The following ATG9A variants were observed in gnomAD, a reference collection of about 807,000 sequenced individuals.
ATG9A encodes autophagy-related protein 9A.
A neutral mutation model predicts 87.1 loss-of-function variants in ATG9A; 21 were observed. The observed-to-expected ratio is 0.24, with a 90% CI of 0.17 to 0.35. ATG9A has a LOEUF of 0.35. Ranked by LOEUF, ATG9A falls within the 10% of genes least tolerant of loss-of-function variation. The probability of loss-of-function intolerance (pLI) is 1.00; values close to 1 mark genes in which losing one functional copy is unlikely to be tolerated. For synonymous variants in ATG9A, 422 were observed against 441.3 expected (o/e 0.96, Z 0.55); for missense variants, 836 against 1,107.3 (o/e 0.76, Z 3.48).
chr2:219,226,719 G>A (rs1199737681), intron 5 of ATG9A, 150 bp downstream of exon 5: 5 of 687,280 alleles, frequency 7.3e-6, no homozygotes, highest in African/African-American at 1.8e-5. Context: ...GTAAGTTTTG[G>A]TGCCACACCC....
In ATG9A at chr2:219,222,455, GAACGA is replaced by G; in HGVS notation, c.1849-10_1849-6del. On this transcript the variant is annotated splice_region_variant and splice_polypyrimidine_tract_variant and intron_variant, in intron 11 of 15. Transcript: ENST00000361242. This position sits in a 1 kb window ranked among gnomAD's most constrained non-coding sequence, Gnocchi z 4.3. ...ATTTGCGATAAGGCTCAGGGGCTATGAACGAAACGGGTAGGTAGAATTCTTGAGGC... is the reference window on the plus strand; with the variant it reads ...ATTTGCGATAAGGCTCAGGGGCTATGAACGGGTAGGTAGAATTCTTGAGGC... The G allele has an allele frequency of 6.4e-7, 1 of 1,552,630 alleles. No homozygotes were observed. Among genetic ancestry groups the G allele is most frequent in the Non-Finnish European group, 8.7e-7 (1 of 1,151,102 alleles).
At position 219,222,680 on chromosome 2, in the gene ATG9A, A is replaced by C; in HGVS notation, c.1813T>G (p.Phe605Val). 6.2e-7 allele frequency: 1 copy of C among 1,614,182 alleles called. No individual in the cohort carries two copies. Among genetic ancestry groups the C allele is most frequent in the Non-Finnish European group, 8.5e-7 (1 of 1,180,016 alleles). ...GATTGTAAGGACTGGATAGACGTAA[A>C]GAGGGCATTTTCAGGGAGCAGACCC... Reference protein sequence around the residue: ...QGGLLPENALFTSIQSLQSES... With the variant: ...QGGLLPENALVTSIQSLQSES... Residue 605 changes from phenylalanine to valine, a missense_variant, in exon 11 of 16, where the codon TTT (phenylalanine) becomes GTT (valine). Coordinates refer to ENST00000361242, the MANE Select transcript of ATG9A (RefSeq NM_001077198.3). This position sits in a 1 kb window ranked among gnomAD's most constrained non-coding sequence, Gnocchi z 4.3.
At position 219,221,264 on chromosome 2, in the gene ATG9A, A is replaced by T; in HGVS notation, c.2184T>A (p.His728Gln). 6 of 1,572,668 alleles carry T rather than the reference A, an allele frequency of 3.8e-6. No homozygotes were observed. Among genetic ancestry groups the T allele is most frequent in the Non-Finnish European group, 5.2e-6 (6 of 1,160,200 alleles). The part of the protein sequence containing the change: ...KQQAQAEPER[H>Q]VWHRRESDES... ...CATCACTCTCCCGGCGGTGCCATAC[A>T]TGCCGCTCAGGTTCAGCCTGGGCCT... The change falls in exon 14 of 16, where the codon CAT becomes CAA. Residue 728 changes from histidine (H) to glutamine (Q), a missense_variant. His to Gln is a conservative substitution (Grantham distance 24). Around this residue, in one of 2 missense-constraint regions of ATG9A, gnomAD observed 324 missense variants for 347.6 expected, o/e 0.93. Transcript: ENST00000361242.
chr2:219,222,624 T>C lies in ATG9A; in HGVS notation c.1848+21A>G. On this transcript the variant is annotated intron_variant, in intron 11 of 15. Coordinates refer to ENST00000361242, the MANE Select transcript of ATG9A (RefSeq NM_001077198.3). This position sits in a 1 kb window ranked among gnomAD's most constrained non-coding sequence, Gnocchi z 4.3. The stretch of plus-strand genomic sequence containing the variant: ...CCTGAAGTCCACTCTGCCCATCATC[T>C]CCCAGTCACCAGGAACACACCTCAG... The C allele has an allele frequency of 6.2e-7, 1 of 1,611,676 alleles. No individual in the cohort carries two copies. The highest frequency in any genetic ancestry group is 8.5e-7 in the Non-Finnish European group (1 of 1,178,050).
chr2:219,226,387 T>A (rs903709522), intron 5 of ATG9A, among the ~76,000 whole-genome samples: 1 of 152,212 alleles, frequency 6.6e-6, no homozygotes, highest in East Asian at 1.9e-4. Flanking sequence ...GGAAAGCTTT[T>A]CTTGTAAGAA....
At position 219,220,858 on chromosome 2, in the gene ATG9A, G is replaced by T. The variant is rs771060640; in HGVS notation, c.2403C>A (p.Phe801Leu). The change falls in exon 15 of 16, where the codon TTC becomes TTA. Residue 801 changes from phenylalanine (F) to leucine (L), a missense_variant. By Grantham distance (22) the Phe-to-Leu change is conservative. Coordinates refer to ENST00000361242, the MANE Select transcript of ATG9A (RefSeq NM_001077198.3). ...CCCACCCTCCAAGAGGCAGCCGAGA[G>T]AAATGAGAGGGAACCCTGGGCACTG... ...PGTVPRVPSH[F>L]SRLPLGGWAE... 5 of 1,613,440 alleles carry T rather than the reference G, an allele frequency of 3.1e-6. No individual in the cohort carries two copies. The highest frequency in any genetic ancestry group is 3.3e-5 in the Admixed American group (2 of 60,000).
At chr2:219,221,388 C>G in intron 13 of ATG9A, 86 bp from the exon 14 acceptor site, 1 of 1,260,498 alleles carries the variant, frequency 7.9e-7, no homozygotes, top group Non-Finnish European at 1.1e-6. Flanking sequence ...AGTCAGTTCC[C>G]GCTTTACCCC....
chr2:219,220,303 C>G lies in ATG9A; in HGVS notation c.*144G>C. Reference sequence around the variant, plus strand: ...GGCTGTGGCAAGCCCAGTGTTGGCACCTCCCTTGGCCAGGCACAGACACAC... The same window carrying G: ...GGCTGTGGCAAGCCCAGTGTTGGCAGCTCCCTTGGCCAGGCACAGACACAC... On this transcript the variant is annotated 3_prime_UTR_variant, in exon 16 of 16. Coordinates refer to ENST00000361242, the MANE Select transcript of ATG9A (RefSeq NM_001077198.3). The G allele has an allele frequency of 8.8e-7, 1 of 1,139,070 alleles. No homozygotes were observed. Among genetic ancestry groups the G allele is most frequent in the Non-Finnish European group, 1.3e-6 (1 of 799,408 alleles). The allele number at this position is 1,139,070 out of a possible 1,614,324, so 70.6% of individuals were successfully genotyped here.
chr2:219,223,906 G>C lies in ATG9A; in HGVS notation c.1382C>G (p.Thr461Ser). 1 of 1,614,200 alleles carries C rather than the reference G, an allele frequency of 6.2e-7. No homozygotes were observed. ...GAAGAGCTGGGCAAACTCGTCCCGG[G>C]TCTGCGAGCGGTGGGCATTACCCTG... Reference protein sequence around the residue: ...HWQGNAHRSQTRDEFAQLFQY... With the variant: ...HWQGNAHRSQSRDEFAQLFQY... The change falls in exon 9 of 16, where the codon ACC (threonine) becomes AGC (serine). Residue 461 changes from threonine to serine, a missense_variant. By Grantham distance (58) the Thr-to-Ser change is moderately conservative. Around this residue, in one of 2 missense-constraint regions of ATG9A, gnomAD observed 512 missense variants for 759.6 expected, o/e 0.67. Transcript: ENST00000361242. The surrounding 1 kb of genome is among the most constrained non-coding windows in gnomAD (Gnocchi z 4.7).
In ATG9A at chr2:219,224,603, G is replaced by A. The variant is rs1394847719; in HGVS notation, c.768C>T (p.Phe256=). ...GLKYNFELIL[F]WGPGSLFLNE... Reference sequence around the variant, plus strand: ...TGAGAAACAGAGAGCCAGGTCCCCAGAAGAGGATCAGCTCAAAGTTGTACT... The same window carrying A: ...TGAGAAACAGAGAGCCAGGTCCCCAAAAGAGGATCAGCTCAAAGTTGTACT... The change falls in exon 8 of 16, where the codon TTC becomes TTT. Residue 256 remains phenylalanine, a synonymous_variant. Coordinates refer to ENST00000361242, the MANE Select transcript of ATG9A (RefSeq NM_001077198.3). The surrounding 1 kb of genome is among the most constrained non-coding windows in gnomAD (Gnocchi z 7.7). The A allele has an allele frequency of 6.2e-7, 1 of 1,614,110 alleles. No individual in the cohort carries two copies. The highest frequency in any genetic ancestry group is 1.7e-5 in the Admixed American group (1 of 60,000).
In ATG9A at chr2:219,222,337, G is replaced by A. The variant is rs759392505; in HGVS notation, c.1962C>T (p.Ser654=). ...HRAEVASALR[S]FSPLQPGQAP... Reference sequence around the variant, plus strand: ...CCTGCCCGGGTTGCAGCGGGGAGAAGGAGCGCAGGGCAGAGGCGACTTCAG... The same window carrying A: ...CCTGCCCGGGTTGCAGCGGGGAGAAAGAGCGCAGGGCAGAGGCGACTTCAG... The change falls in exon 12 of 16, where the codon TCC becomes TCT. Residue 654 remains serine (S), a synonymous_variant. Coordinates refer to ENST00000361242, the MANE Select transcript of ATG9A (RefSeq NM_001077198.3). The surrounding 1 kb of genome is among the most constrained non-coding windows in gnomAD (Gnocchi z 4.3). The A allele has an allele frequency of 1.5e-5, 25 of 1,613,208 alleles. No homozygotes were observed. The highest frequency in any genetic ancestry group is 2.0e-5 in the Non-Finnish European group (24 of 1,180,016).
rs945959233 is a variant in ATG9A at position 219,229,612 on chromosome 2, G to A, written c.-159C>T. On this transcript the variant is annotated 5_prime_UTR_variant, in exon 1 of 16. Transcript: ENST00000361242. This position sits in a 1 kb window ranked among gnomAD's most constrained non-coding sequence, Gnocchi z 4.2. Reference sequence around the variant, plus strand: ...TCGGCTCGGCTCGGCGCGACCCGCGGCGCTAGGCCGGGTGTCTGCCACTCA... The same window carrying A: ...TCGGCTCGGCTCGGCGCGACCCGCGACGCTAGGCCGGGTGTCTGCCACTCA... The A allele has an allele frequency of 6.5e-6, 1 of 152,750 alleles. No individual in the cohort carries two copies. The highest frequency in any genetic ancestry group is 1.5e-5 in the Non-Finnish European group (1 of 68,092). The allele number at this position is 152,750 out of a possible 1,614,324, so 9.5% of individuals were successfully genotyped here.
Position 219,220,283 on chromosome 2 carries a change from T to G in ATG9A, c.*164A>C, listed in dbSNP as rs1034280210. 1 of 894,180 alleles carries G rather than the reference T, an allele frequency of 1.1e-6. No homozygotes were observed. Among genetic ancestry groups the G allele is most frequent in the African/African-American group, 1.7e-5 (1 of 59,992 alleles). 55.4% of individuals were successfully genotyped at this position (894,180 alleles called of 1,614,324 possible). Reference sequence around the variant, plus strand: ...GCCCCAAATTCCTCTCCTGGGGCTGTGGCAAGCCCAGTGTTGGCACCTCCC... The same window carrying G: ...GCCCCAAATTCCTCTCCTGGGGCTGGGGCAAGCCCAGTGTTGGCACCTCCC... On this transcript the variant is annotated 3_prime_UTR_variant, in exon 16 of 16. Coordinates refer to ENST00000361242, the MANE Select transcript of ATG9A (RefSeq NM_001077198.3).
In ATG9A at chr2:219,222,571, C is replaced by T. The variant is rs1219448953; in HGVS notation, c.1848+74G>A. Reference sequence around the variant, plus strand: ...GAAGAGACAGCAGGAAGCCTTCCACCCCATGCCCGGTCCCTCAACTCCCAG... The same window carrying T: ...GAAGAGACAGCAGGAAGCCTTCCACTCCATGCCCGGTCCCTCAACTCCCAG... On this transcript the variant is annotated intron_variant, in intron 11 of 15. Coordinates refer to ENST00000361242, the MANE Select transcript of ATG9A (RefSeq NM_001077198.3). The surrounding 1 kb of genome is among the most constrained non-coding windows in gnomAD (Gnocchi z 4.3). 1.3e-6 allele frequency: 2 copies of T among 1,597,628 alleles called. No individual in the cohort carries two copies. Among genetic ancestry groups the T allele is most frequent in the Admixed American group, 1.7e-5 (1 of 59,452 alleles).
Position 219,224,911 on chromosome 2 carries a change from C to T in ATG9A, c.517-57G>A. On this transcript the variant is annotated intron_variant, in intron 7 of 15. Transcript: ENST00000361242. This position sits in a 1 kb window ranked among gnomAD's most constrained non-coding sequence, Gnocchi z 7.7. Reference sequence around the variant, plus strand: ...CGGAAGGTGGGGTTGTTGCCTCGACCCCTTTGCCCTATATTAGAAGTGAGA... The same window carrying T: ...CGGAAGGTGGGGTTGTTGCCTCGACTCCTTTGCCCTATATTAGAAGTGAGA... 1.3e-6 allele frequency: 2 copies of T among 1,592,998 alleles called. No individual in the cohort carries two copies. The highest frequency in any genetic ancestry group is 1.7e-6 in the Non-Finnish European group (2 of 1,167,140).
In ATG9A at chr2:219,229,476, AC is replaced by A. The variant is rs927095018; in HGVS notation, c.-82+58del. ...CGAGCTCACTTAGGGCTCCGCAGGC[AC>A]CCCTGGGCAAGGCCAGACACGGGGC... On this transcript the variant is annotated intron_variant, in intron 1 of 15. Transcript: ENST00000361242. The surrounding 1 kb of genome is among the most constrained non-coding windows in gnomAD (Gnocchi z 4.2). 1 of 152,206 alleles carries A rather than the reference AC, an allele frequency of 6.6e-6. No individual in the cohort carries two copies. Among genetic ancestry groups the A allele is most frequent in the Non-Finnish European group, 1.5e-5 (1 of 67,940 alleles). 9.4% of individuals were successfully genotyped at this position (152,206 alleles called of 1,614,324 possible).
rs773178345 is a variant in ATG9A, at chr2:219,224,168, C to T, written c.1203G>A (p.Val401=). 1.9e-6 allele frequency: 3 copies of T among 1,613,744 alleles called. No homozygotes were observed. Among genetic ancestry groups the T allele is most frequent in the Admixed American group, 3.3e-5 (2 of 60,028 alleles). ...TGGTCAGCACATGTTCCACAGCCAA[C>T]ACATCTTCGTCATAAATGGTGAGGG... ...LIALTIYDED[V]LAVEHVLTTV... Residue 401 remains valine, a synonymous_variant, in exon 8 of 16, where the codon GTG becomes GTA. Transcript: ENST00000361242. This position sits in a 1 kb window ranked among gnomAD's most constrained non-coding sequence, Gnocchi z 7.7.
Position 219,220,777 on chromosome 2 carries a change from C to T in ATG9A, c.2484G>A (p.Ser828=), listed in dbSNP as rs762790253. 3.3e-5 allele frequency: 54 copies of T among 1,613,526 alleles called. No homozygotes were observed. The African/African-American group carries it at 5.7e-4, about 17-fold the overall frequency. ...RHPEPVPEEG[S]EDELPPQVHK... ...GCACCTGAGGGGGTAGCTCATCCTC[C>T]GAGCCCTCTTCGGGCACGGGCTCAG... The change falls in exon 15 of 16, where the codon TCG becomes TCA. Residue 828 remains serine, a synonymous_variant. Transcript: ENST00000361242.
In ATG9A at chr2:219,228,038, T is replaced by G; in HGVS notation, c.-14A>C. ...AAACTGCGCCATCACCACCGCCCCCTGTCCACCTTGACCACCTGCCAATAA... is the reference window on the plus strand; with the variant it reads ...AAACTGCGCCATCACCACCGCCCCCGGTCCACCTTGACCACCTGCCAATAA... On this transcript the variant is annotated 5_prime_UTR_variant, in exon 3 of 16. Coordinates refer to ENST00000361242, the MANE Select transcript of ATG9A (RefSeq NM_001077198.3). The G allele has an allele frequency of 6.2e-7, 1 of 1,606,560 alleles. No homozygotes were observed. The highest frequency in any genetic ancestry group is 1.7e-4 in the Middle Eastern group (1 of 6,036).
Sources: gnomAD v4.1 joint callset for allele counts (sites outside exome capture counted in the v4.1 genomes callset) on GRCh38, gnomAD v4.1.1 for gene constraint, gnomAD v4.1.1 regional missense constraint, Gnocchi (gnomAD v3.1) non-coding constraint, MANE v1.5 for transcripts, NCBI Gene and HGNC (gene_info 2026-07-23, HGNC 2026-07-21) for gene names.